Variants in TBC1D1 observed in about 807,000 individuals in gnomAD.
TBC1D1 encodes TBC1 domain family member 1, also known as TBC1 (tre-2/USP6, BUB2, cdc16) domain family, member 1.
TBC1D1 carries 89 observed loss-of-function variants against 125.6 expected under a neutral mutation model. The observed-to-expected ratio is 0.71, with a 90% CI of 0.60 to 0.85. The LOEUF (loss-of-function observed/expected upper bound fraction) is 0.85, where lower values mean the gene tolerates loss of function less well. Ranked by LOEUF, TBC1D1 falls within the 40% of genes least tolerant of loss-of-function variation. The probability of loss-of-function intolerance (pLI) is 0.00; values close to 1 mark genes in which losing one functional copy is unlikely to be tolerated. For synonymous variants in TBC1D1, 565 were observed against 564.1 expected (o/e 1.00, Z -0.02); for missense variants, 1,377 against 1,469.2 (o/e 0.94, Z 1.03).
At chr4:38,046,462 C>T (rs1465671061) in intron 10 of TBC1D1, among the ~76,000 whole-genome samples, 1 of 151,524 alleles carries the variant, frequency 6.6e-6, no homozygotes, top group Non-Finnish European at 1.5e-5. Flanking sequence ...GAGAAGTATA[C>T]AGCTTAAATT....
chr4:37,938,970 G>A (rs1402084641), intron 2 of TBC1D1, among the ~76,000 whole-genome samples: 3 of 152,190 alleles, frequency 2.0e-5, no homozygotes, highest in Admixed American at 6.5e-5. Context: ...ATTGTGAATA[G>A]TGCCGCAATA....
intron 11 of TBC1D1, among the ~76,000 whole-genome samples, chr4:38,052,733 C>G (rs779929799): frequency 2.3e-4 from 17 of 73,464 alleles, no homozygotes; most frequent in Non-Finnish European, 3.8e-4. Flanking sequence ...CGCGCGCACA[C>G]ACACACACAC....
At chr4:38,007,592 A>T (rs1031960747) in intron 2 of TBC1D1, among the ~76,000 whole-genome samples, 3 of 152,164 alleles carry the variant, frequency 2.0e-5, no homozygotes, top group Non-Finnish European at 2.9e-5. Flanking sequence ...TGCACCCTGT[A>T]CTGAGATTTT....
At chr4:37,989,235 C>T (rs1351543190) in intron 2 of TBC1D1, among the ~76,000 whole-genome samples, 1 of 152,194 alleles carries the variant, frequency 6.6e-6, no homozygotes, top group African/African-American at 2.4e-5. Context: ...TTGGTCTTCA[C>T]CCAGGTTATG....
intron 6 of TBC1D1, among the ~76,000 whole-genome samples, chr4:38,023,821 G>A (rs377272970): frequency 5.9e-5 from 9 of 152,048 alleles, no homozygotes; most frequent in Admixed American, 2.6e-4. Context: ...CAATTCTTTC[G>A]GTTATATATC....
Position 38,137,147 on chromosome 4 carries a change from A to G in TBC1D1, c.3319A>G (p.Arg1107Gly). Residue 1107 changes from arginine to glycine, a missense_variant, in exon 20 of 20, where the codon AGG (arginine) becomes GGG (glycine). Physicochemically the swap from Arg to Gly is moderately radical, Grantham distance 125. Around this residue, in one of 3 missense-constraint regions of TBC1D1, gnomAD observed 543 missense variants for 613.5 expected, o/e 0.89. Coordinates refer to ENST00000261439, the MANE Select transcript of TBC1D1 (RefSeq NM_015173.4). ...TTTTATTCTCCAGGTGGCAAATGGTAGGATCCAAAGCCTTGAGGCCACCAT... is the reference window on the plus strand; with the variant it reads ...TTTTATTCTCCAGGTGGCAAATGGTGGGATCCAAAGCCTTGAGGCCACCAT... 1.2e-6 allele frequency: 2 copies of G among 1,613,326 alleles called. No homozygotes were observed. Among genetic ancestry groups the G allele is most frequent in the Non-Finnish European group, 1.7e-6 (2 of 1,179,946 alleles).
At chr4:38,008,555 G>T (rs541808936) in intron 2 of TBC1D1, among the ~76,000 whole-genome samples, 5 of 152,304 alleles carry the variant, frequency 3.3e-5, no homozygotes, top group African/African-American at 1.2e-4. Flanking sequence ...AGACCCAAAG[G>T]ACAGAAAGAT....
At chr4:38,123,600 GA>G (rs1305913950) in intron 17 of TBC1D1, among the ~76,000 whole-genome samples, 6 of 152,324 alleles carry the variant, frequency 3.9e-5, no homozygotes, top group African/African-American at 1.4e-4. Flanking sequence ...ACTTAAGAAG[GA>G]AGTGAAGGAT....
intron 15 of TBC1D1, chr4:38,110,570 A>T (rs1277629440): frequency 1.0e-6 from 1 of 985,306 alleles, no homozygotes; most frequent in Non-Finnish European, 1.2e-6. Flanking sequence ...TTTCTGGCAT[A>T]TTTCTCCACT....
intron 6 of TBC1D1, among the ~76,000 whole-genome samples, chr4:38,026,349 G>A (rs550250465): frequency 6.6e-6 from 1 of 152,354 alleles, no homozygotes; most frequent in African/African-American, 2.4e-5. Flanking sequence ...GAGGGGAGGA[G>A]CCGTGGCTTT....
intron 2 of TBC1D1, among the ~76,000 whole-genome samples, chr4:37,967,087 G>A (rs1284807404): frequency 6.6e-6 from 1 of 152,142 alleles, no homozygotes; most frequent in East Asian, 1.9e-4. Flanking sequence ...TGTGCAATTC[G>A]AATCCAAAAT....
chr4:38,079,055 C>T (rs370118730), intron 12 of TBC1D1, among the ~76,000 whole-genome samples: 2 of 152,026 alleles, frequency 1.3e-5, no homozygotes, highest in East Asian at 3.9e-4. Flanking sequence ...GGTGTGACAG[C>T]CCGGAGTACC....
chr4:38,045,514 T>G (rs1749260900), intron 9 of TBC1D1, among the ~76,000 whole-genome samples: 2 of 152,104 alleles, frequency 1.3e-5, no homozygotes, highest in African/African-American at 4.8e-5. Context: ...GGGAGGGAGT[T>G]AGTTGCTGAG....
At chr4:37,978,182 A>AT (rs1273132656) in intron 2 of TBC1D1, among the ~76,000 whole-genome samples, 2 of 152,268 alleles carry the variant, frequency 1.3e-5, no homozygotes, top group Non-Finnish European at 2.9e-5. Context: ...ACAGGAAGGC[A>AT]TAAGTGTAGA....
intron 12 of TBC1D1, among the ~76,000 whole-genome samples, chr4:38,088,607 G>A (rs925622630): frequency 1.1e-4 from 16 of 152,170 alleles, no homozygotes; most frequent in Admixed American, 7.8e-4. Flanking sequence ...TCTTTTCTGT[G>A]CCCCTAGTAA....
intron 7 of TBC1D1, among the ~76,000 whole-genome samples, chr4:38,032,322 C>A (rs1746320475): frequency 6.6e-6 from 1 of 151,856 alleles, no homozygotes; most frequent in Non-Finnish European, 1.5e-5. Context: ...CTGTCTCCCC[C>A]AAAAAAAGAA....
intron 14 of TBC1D1, 103 bp from the exon 17 acceptor site, chr4:38,102,896 G>T: frequency 9.8e-6 from 12 of 1,228,418 alleles, no homozygotes; most frequent in Non-Finnish European, 1.2e-5. Flanking sequence ...AAAAAAAAAA[G>T]GAACAAGAAT....
chr4:38,072,378 G>A (rs185039100), intron 12 of TBC1D1, among the ~76,000 whole-genome samples: 25 of 152,296 alleles, frequency 1.6e-4, no homozygotes, highest in African/African-American at 5.5e-4. Context: ...TGTGGACCCC[G>A]TGAGCTTTTC....
chr4:37,894,098 C>G (rs975551226), intron 1 of TBC1D1, among the ~76,000 whole-genome samples: 1 of 151,588 alleles, frequency 6.6e-6, no homozygotes, highest in Non-Finnish European at 1.5e-5. Flanking sequence ...AAGTGATTCT[C>G]CTGCCTCAGC....
Sources: gnomAD v4.1 joint callset for allele counts (sites outside exome capture counted in the v4.1 genomes callset) on GRCh38, gnomAD v4.1.1 for gene constraint, gnomAD v4.1.1 regional missense constraint, MANE v1.5 for transcripts, NCBI Gene and HGNC (gene_info 2026-07-23, HGNC 2026-07-21) for gene names.